The following MX2 variants were observed in gnomAD, a reference collection of about 807,000 sequenced individuals.
MX2 encodes the protein interferon-induced GTP-binding protein Mx2.
Under a neutral mutation model 74.0 loss-of-function variants are expected in MX2, and 51 were observed. The observed-to-expected ratio is 0.69, with a 90% CI of 0.55 to 0.87. The LOEUF (loss-of-function observed/expected upper bound fraction) is 0.87, where lower values mean the gene tolerates loss of function less well. Ranked by LOEUF, MX2 falls within the 40% of genes least tolerant of loss-of-function variation. The pLI is 0.00. For synonymous variants in MX2, 369 were observed against 339.3 expected (o/e 1.09, Z -0.96); for missense variants, 832 against 908.7 (o/e 0.92, Z 1.09).
chr21:41,384,028 T>G (rs2089534386), intron 5 of MX2, among the ~76,000 whole-genome samples: 1 of 152,134 alleles, frequency 6.6e-6, no homozygotes, highest in Non-Finnish European at 1.5e-5. Context: ...TTTTCTCCCA[T>G]GCCGTTCTCG....
intron 5 of MX2, among the ~76,000 whole-genome samples, chr21:41,385,515 C>T (rs577449664): frequency 6.6e-6 from 1 of 152,310 alleles, no homozygotes; most frequent in East Asian, 1.9e-4. Context: ...GCCTTTGCTC[C>T]TCCCTTCCAT....
chr21:41,364,499 C>T lies in MX2; in HGVS notation c.-72+2444C>T, dbSNP rs138030241. 882 of 154,204 alleles carry T rather than the reference C, an allele frequency of 5.7e-3. 4 individuals are homozygous for T. Among genetic ancestry groups the T allele is most frequent in the African/African-American group, 0.019 (792 of 41,570 alleles). 9.6% of individuals were successfully genotyped at this position (154,204 alleles called of 1,614,324 possible). The stretch of plus-strand genomic sequence containing the variant: ...AGCGTGGACAGGGACAGGGATGGGG[C>T]GGGGCAGCGCTGCAGGAGGTGGGGC... On this transcript the variant is annotated intron_variant, in intron 1 of 13. Transcript: ENST00000330714.
In MX2 at chr21:41,366,217, G is replaced by A. The variant is rs368669287; in HGVS notation, c.-72+4162G>A. Reference sequence around the variant, plus strand: ...AATCTTAAAGATCCCACAGTGGCCTGTGAGTTTGCTGAAATACCCCAGGTG... The same window carrying A: ...AATCTTAAAGATCCCACAGTGGCCTATGAGTTTGCTGAAATACCCCAGGTG... On this transcript the variant is annotated intron_variant, in intron 1 of 13. Coordinates refer to ENST00000330714, the MANE Select transcript of MX2 (RefSeq NM_002463.2). This position sits in a 1 kb window ranked among gnomAD's most constrained non-coding sequence, Gnocchi z 4.5. 6.6e-6 allele frequency: 1 copy of A among 152,240 alleles called. No homozygotes were observed. The highest frequency in any genetic ancestry group is 2.4e-5 in the African/African-American group (1 of 41,458). The allele number at this position is 152,240 out of a possible 1,614,324, so 9.4% of individuals were successfully genotyped here.
intron 8 of MX2, among the ~76,000 whole-genome samples, chr21:41,398,233 C>T (rs1054720268): frequency 6.6e-6 from 1 of 152,168 alleles, no homozygotes; most frequent in Non-Finnish European, 1.5e-5. Context: ...CGCTTGAACC[C>T]GGAAGGTGGA....
intron 1 of MX2, chr21:41,370,499 C>T (rs1279684971): frequency 6.6e-6 from 1 of 152,248 alleles, no homozygotes; most frequent in East Asian, 1.9e-4. Flanking sequence ...CGGCGATGAC[C>T]ACTTCCGTGG....
At chr21:41,401,847 A>G in intron 10 of MX2, 123 bp from the exon 11 acceptor site, 2 of 1,065,236 alleles carry the variant, frequency 1.9e-6, no homozygotes, top group Non-Finnish European at 2.7e-6. Flanking sequence ...TTGTGAACAA[A>G]ACTCCACTTT....
At chr21:41,367,968 CT>C (rs775021706) in intron 1 of MX2, among the ~76,000 whole-genome samples, 14 of 152,294 alleles carry the variant, frequency 9.2e-5, no homozygotes, top group Admixed American at 3.3e-4. Context: ...CTTCTCTTTT[CT>C]CCTCTTCTCT....
chr21:41,380,312 C>T lies in MX2; in HGVS notation c.577+161C>T, dbSNP rs532675023. On this transcript the variant is annotated intron_variant, in intron 4 of 13. Transcript: ENST00000330714. This position sits in a 1 kb window ranked among gnomAD's most constrained non-coding sequence, Gnocchi z 4.3. ...CCCATTGCTGTCACCTCCACCATCC[C>T]TCCAGGTCCTTGTCCAGGTCCCCTC... Among the ~76,000 whole-genome samples the T allele has an allele frequency of 1.3e-5, 2 of 152,266 alleles. No homozygotes were observed. The highest frequency in any genetic ancestry group is 2.4e-5 in the African/African-American group (1 of 41,552).
chr21:41,390,841 T>G (rs2089649451), intron 6 of MX2, 138 bp downstream of exon 6: 9 of 952,494 alleles, frequency 9.4e-6, no homozygotes, highest in Non-Finnish European at 1.4e-5. Context: ...TCGTCTCCAC[T>G]AAAAATACAA....
chr21:41,394,262 C>T (rs1601422490), intron 6 of MX2, among the ~76,000 whole-genome samples: 1 of 130,846 alleles, frequency 7.6e-6, no homozygotes, highest in African/African-American at 4.3e-5. Flanking sequence ...GCCCTGCCTG[C>T]CTCTCTGATC....
chr21:41,384,810 G>A (rs2145907366), intron 5 of MX2, among the ~76,000 whole-genome samples: 1 of 149,228 alleles, frequency 6.7e-6, no homozygotes, highest in East Asian at 2.0e-4. Flanking sequence ...CTGGACTCCA[G>A]CCTGGGCCAC....
At chr21:41,405,418 G>T (rs530042266) in intron 12 of MX2, among the ~76,000 whole-genome samples, 1 of 152,008 alleles carries the variant, frequency 6.6e-6, no homozygotes. Flanking sequence ...CAGTGTGTCG[G>T]CATGGTCAGG....
At chr21:41,393,421 C>T (rs116166964) in intron 6 of MX2, among the ~76,000 whole-genome samples, 69 of 152,276 alleles carry the variant, frequency 4.5e-4, no homozygotes, top group African/African-American at 1.7e-3. Flanking sequence ...CACATGGTCA[C>T]GTCTCTGTCC....
intron 1 of MX2, among the ~76,000 whole-genome samples, chr21:41,375,772 G>C (rs1299158643): frequency 6.6e-6 from 1 of 152,176 alleles, no homozygotes; most frequent in Non-Finnish European, 1.5e-5. Context: ...CAGGTTCCAG[G>C]TGAACATAAA....
In MX2 at chr21:41,403,298, C is replaced by CA. The variant is rs1484582725; in HGVS notation, c.1611dup (p.His538ThrfsTer9). On this transcript the variant is annotated frameshift_variant, in exon 12 of 14. Coordinates refer to ENST00000330714, the MANE Select transcript of MX2 (RefSeq NM_002463.2). LOFTEE classifies it high-confidence loss of function. ...TCCAGCAAGCTTTCATTAACGTGGC[C>CA]AAAAAACATTTTGGCGAATTTTTCA... 1.2e-6 allele frequency: 2 copies of CA among 1,613,566 alleles called. No homozygotes were observed. The highest frequency in any genetic ancestry group is 1.7e-4 in the Middle Eastern group (1 of 6,060).
intron 3 of MX2, 91 bp from the exon 4 acceptor site, chr21:41,379,926 T>C (rs1314287773): frequency 3.3e-6 from 5 of 1,527,044 alleles, no homozygotes; most frequent in Non-Finnish European, 4.5e-6. Flanking sequence ...GACGAGGCCT[T>C]TGGGGACAGC....
chr21:41,408,583 A>G lies in MX2; in HGVS notation c.*350A>G, dbSNP rs896644294. 4.5e-5 allele frequency: 11 copies of G among 244,932 alleles called. No individual in the cohort carries two copies. The highest frequency in any genetic ancestry group is 3.9e-5 in the Non-Finnish European group (5 of 126,808). The allele number at this position is 244,932 out of a possible 1,614,324, so 15.2% of individuals were successfully genotyped here. On this transcript the variant is annotated 3_prime_UTR_variant, in exon 14 of 14. Transcript: ENST00000330714. The stretch of plus-strand genomic sequence containing the variant: ...CCCCAGAGGGGGAAGGTCTGGGTCA[A>G]ATTCTTCTTTTGTATGTCCAGTCTC...
At chr21:41,387,092 C>T (rs750285000) in intron 5 of MX2, among the ~76,000 whole-genome samples, 2 of 152,208 alleles carry the variant, frequency 1.3e-5, no homozygotes, top group African/African-American at 2.4e-5. Flanking sequence ...AGTCCCACCA[C>T]GCTTTCCCTT....
intron 10 of MX2, among the ~76,000 whole-genome samples, chr21:41,400,153 G>T (rs2089792542): frequency 6.6e-6 from 1 of 152,142 alleles, no homozygotes; most frequent in African/African-American, 2.4e-5. Flanking sequence ...AGTGACCTGG[G>T]ATACTTATTT....
Sources: gnomAD v4.1 joint callset for allele counts (sites outside exome capture counted in the v4.1 genomes callset) on GRCh38, gnomAD v4.1.1 for gene constraint, Gnocchi (gnomAD v3.1) non-coding constraint, MANE v1.5 for transcripts, NCBI Gene and HGNC (gene_info 2026-07-23, HGNC 2026-07-21) for gene names.